The following ZSWIM6 variants were observed in gnomAD, a reference collection of about 807,000 sequenced individuals.
ZSWIM6 encodes zinc finger SWIM-type containing 6.
In ZSWIM6, 9 loss-of-function variants were observed where a neutral mutation model predicts 113.2. That is an observed-to-expected ratio of 0.08 (90% confidence interval 0.05 to 0.14). ZSWIM6 has a LOEUF of 0.14. Ranked by LOEUF, ZSWIM6 falls within the 10% of genes least tolerant of loss-of-function variation. The pLI, the probability that ZSWIM6 is intolerant of heterozygous loss-of-function variation, is 1.00. For missense variants in ZSWIM6, 1,162 were observed against 1,552.2 expected, an observed-to-expected ratio of 0.75 and a Z score of 4.22; for synonymous variants, 611 against 606.5, an observed-to-expected ratio of 1.01 and a Z score of -0.11.
chr5:61,494,171 A>C, intron 3 of ZSWIM6, 89 bp from the exon 4 acceptor site: 1 of 1,354,660 alleles, frequency 7.4e-7, no homozygotes, highest in Non-Finnish European at 1.0e-6. Flanking sequence ...GAAACAGAGA[A>C]AAGTGGTGGT....
intron 4 of ZSWIM6, among the ~76,000 whole-genome samples, chr5:61,506,407 A>C (rs1459134653): frequency 6.6e-6 from 1 of 151,794 alleles, no homozygotes; most frequent in African/African-American, 2.4e-5. Flanking sequence ...ACACAGTGAA[A>C]CCCTATATCT....
intron 1 of ZSWIM6, among the ~76,000 whole-genome samples, chr5:61,364,819 A>C (rs143686690): frequency 1.0e-3 from 158 of 152,190 alleles, no homozygotes; most frequent in African/African-American, 3.6e-3. Flanking sequence ...TCATGACCTA[A>C]TCGTCCCTCA....
chr5:61,383,294 C>G lies in ZSWIM6; in HGVS notation c.676+50346C>G, dbSNP rs116677395. Among the ~76,000 whole-genome samples, 757 of 152,268 alleles carry G rather than the reference C, an allele frequency of 5.0e-3. 1 individual carries two copies. The highest frequency in any genetic ancestry group is 0.017 in the African/African-American group (719 of 41,552). On this transcript the variant is annotated intron_variant, in intron 1 of 13. Transcript: ENST00000252744. ...ACAAAGAGACTAGGCAGCTGACAAG[C>G]AGCCCCCACCCCACTGGGTTAAAGA...
chr5:61,388,174 G>A (rs1161743065), intron 1 of ZSWIM6, among the ~76,000 whole-genome samples: 2 of 151,712 alleles, frequency 1.3e-5, no homozygotes, highest in Non-Finnish European at 2.9e-5. Context: ...GTAAAGATGG[G>A]GTTTCATCAT....
At chr5:61,385,696 C>A (rs1257289789) in intron 1 of ZSWIM6, among the ~76,000 whole-genome samples, 1 of 152,226 alleles carries the variant, frequency 6.6e-6, no homozygotes. Context: ...CATAACCAGG[C>A]AGCGTAGTTT....
chr5:61,422,605 G>A (rs188973097), intron 1 of ZSWIM6, among the ~76,000 whole-genome samples: 45 of 152,242 alleles, frequency 3.0e-4, no homozygotes, highest in African/African-American at 1.0e-3. Flanking sequence ...TGTGAAGAAC[G>A]TCATTGGCAT....
chr5:61,413,186 C>A (rs1452204686), intron 1 of ZSWIM6, among the ~76,000 whole-genome samples: 1 of 113,622 alleles, frequency 8.8e-6, no homozygotes, highest in East Asian at 3.2e-4. Context: ...CCCCACCCCA[C>A]AACAGTCCCC....
intron 12 of ZSWIM6, among the ~76,000 whole-genome samples, chr5:61,540,935 TTTG>T (rs796968614): frequency 0.017 from 2,159 of 130,302 alleles, 46 homozygotes; most frequent in African/African-American, 0.041. Context: ...TTTTTTTTTT[TTTG>T]TTGTTGTTGT....
At chr5:61,384,809 G>A (rs1361498654) in intron 1 of ZSWIM6, among the ~76,000 whole-genome samples, 1 of 152,130 alleles carries the variant, frequency 6.6e-6, no homozygotes, top group African/African-American at 2.4e-5. Flanking sequence ...TGTAATCCCA[G>A]CACTTTGGGA....
chr5:61,361,093 A>G (rs917041526), intron 1 of ZSWIM6, among the ~76,000 whole-genome samples: 4 of 152,090 alleles, frequency 2.6e-5, no homozygotes, highest in African/African-American at 4.8e-5. Context: ...AAAGTCACAG[A>G]GGAGTGGGAG....
intron 4 of ZSWIM6, among the ~76,000 whole-genome samples, chr5:61,496,294 A>G (rs535937157): frequency 5.3e-5 from 8 of 152,128 alleles, no homozygotes; most frequent in South Asian, 4.2e-4. Flanking sequence ...AAATTCTCCT[A>G]TGTACTCTGA....
At chr5:61,411,985 G>T (rs904794221) in intron 1 of ZSWIM6, among the ~76,000 whole-genome samples, 6 of 152,172 alleles carry the variant, frequency 3.9e-5, no homozygotes, top group Non-Finnish European at 8.8e-5. Flanking sequence ...TGCTAATACC[G>T]ATCAAATAAC....
At chr5:61,535,006 C>G (rs901395867) in intron 9 of ZSWIM6, among the ~76,000 whole-genome samples, 1 of 152,134 alleles carries the variant, frequency 6.6e-6, no homozygotes, top group African/African-American at 2.4e-5. Context: ...TCCCACACCT[C>G]TCACCCCTGA....
chr5:61,535,249 G>C (rs1355402975), intron 9 of ZSWIM6, among the ~76,000 whole-genome samples: 1 of 152,054 alleles, frequency 6.6e-6, no homozygotes, highest in Non-Finnish European at 1.5e-5. Context: ...CTGAGTTCTG[G>C]GTTTTTCATC....
At chr5:61,495,754 G>A (rs1748298692) in intron 4 of ZSWIM6, among the ~76,000 whole-genome samples, 1 of 152,092 alleles carries the variant, frequency 6.6e-6, no homozygotes, top group Admixed American at 6.6e-5. Flanking sequence ...TACTTTTTAA[G>A]TAAACCTTTT....
intron 1 of ZSWIM6, among the ~76,000 whole-genome samples, chr5:61,413,319 A>G: frequency 6.6e-6 from 1 of 151,602 alleles, no homozygotes; most frequent in African/African-American, 2.4e-5. Flanking sequence ...GATGATTTCC[A>G]ATTTCATCCA....
chr5:61,449,716 G>C (rs1277248232), intron 1 of ZSWIM6, among the ~76,000 whole-genome samples: 1 of 152,150 alleles, frequency 6.6e-6, no homozygotes, highest in Non-Finnish European at 1.5e-5. Flanking sequence ...ACAGTATACT[G>C]TAAGACTGAC....
chr5:61,338,055 A>G (rs762022690), intron 1 of ZSWIM6, among the ~76,000 whole-genome samples: 1 of 151,850 alleles, frequency 6.6e-6, no homozygotes, highest in Non-Finnish European at 1.5e-5. Context: ...TAAATGGCCT[A>G]TTTTTCTATT....
chr5:61,339,266 C>T (rs1007612091), intron 1 of ZSWIM6, among the ~76,000 whole-genome samples: 2 of 152,136 alleles, frequency 1.3e-5, no homozygotes, highest in Admixed American at 6.5e-5. Flanking sequence ...ATTAGCCGGG[C>T]GTAGTGGTAC....
Sources: gnomAD v4.1 joint callset for allele counts (sites outside exome capture counted in the v4.1 genomes callset) on GRCh38, gnomAD v4.1.1 for gene constraint, MANE v1.5 for transcripts, NCBI Gene and HGNC (gene_info 2026-07-23, HGNC 2026-07-21) for gene names.